The following HSPA4 variants were observed in gnomAD, a reference collection of about 807,000 sequenced individuals.
HSPA4 encodes the protein heat shock protein family A (Hsp70) member 4, also known as heat shock 70 kDa protein 4.
A neutral mutation model predicts 106.2 loss-of-function variants in HSPA4; 25 were observed. The ratio of observed to expected loss-of-function variants is 0.24; its 90% CI spans 0.17 to 0.33. The LOEUF (loss-of-function observed/expected upper bound fraction) is 0.33, where lower values mean the gene tolerates loss of function less well. Ranked by LOEUF, HSPA4 falls within the 10% of genes least tolerant of loss-of-function variation. The pLI is 1.00. For synonymous variants in HSPA4, 332 were observed against 333.6 expected, an observed-to-expected ratio of 1.00 and a Z score of 0.05; for missense variants, 841 against 996.0, an observed-to-expected ratio of 0.84 and a Z score of 2.10.
intron 18 of HSPA4, 95 bp from the exon 19 acceptor site, chr5:133,104,138 G>A: frequency 7.0e-7 from 1 of 1,429,852 alleles, no homozygotes; most frequent in Middle Eastern, 1.9e-4. Context: ...CTAGGTTGAG[G>A]ATTGGGTGGT....
intron 1 of HSPA4, among the ~76,000 whole-genome samples, chr5:133,055,788 G>A (rs754101835): frequency 3.2e-4 from 48 of 152,080 alleles, no homozygotes; most frequent in Non-Finnish European, 5.9e-4. Flanking sequence ...ATTTAAATTG[G>A]ATGGAAGGAC....
Position 133,101,849 on chromosome 5 carries a change from A to G in HSPA4, c.2128A>G (p.Met710Val), listed in dbSNP as rs774739205. 3.8e-6 allele frequency: 6 copies of G among 1,592,176 alleles called. No individual in the cohort carries two copies. Among genetic ancestry groups the G allele is most frequent in the Non-Finnish European group, 5.1e-6 (6 of 1,165,588 alleles). ...EELGKQIQQY[M>V]KIISSFKNKE... ...ACTAGGGAAACAGATCCAACAGTAT[A>G]TGAAAATAATCAGCTCTTTCAAAAA... The change falls in exon 17 of 19, where the codon ATG becomes GTG. Residue 710 changes from methionine to valine, a missense_variant. Physicochemically the swap from Met to Val is conservative, Grantham distance 21. Around this residue, in one of 5 missense-constraint regions of HSPA4, gnomAD observed 328 missense variants for 372.2 expected, o/e 0.88. Transcript: ENST00000304858.
rs572637190 is a variant in HSPA4, at chr5:133,094,970, A to G, written c.1651-1128A>G. Among the ~76,000 whole-genome samples the G allele has an allele frequency of 5.3e-5, 8 of 152,342 alleles. No homozygotes were observed. The East Asian group carries it at 1.3e-3, about 26-fold the overall frequency. On this transcript the variant is annotated intron_variant, in intron 13 of 18. Transcript: ENST00000304858. ...AACATAAGTAATCTCAAAGGAAAAGATGGATAGATTTGACAGTCAAAACTT... is the reference window on the plus strand; with the variant it reads ...AACATAAGTAATCTCAAAGGAAAAGGTGGATAGATTTGACAGTCAAAACTT...
chr5:133,055,307 A>ATTTTTTTTTTT (rs397999293), intron 1 of HSPA4, among the ~76,000 whole-genome samples: 1 of 60,104 alleles, frequency 1.7e-5, no homozygotes, highest in African/African-American at 6.2e-5. Context: ...AGGAAGGTTG[A>ATTTTTTTTTTT]TTTTTTTTTT....
At chr5:133,062,532 T>G (rs905622252) in intron 1 of HSPA4, among the ~76,000 whole-genome samples, 5 of 152,184 alleles carry the variant, frequency 3.3e-5, no homozygotes, top group South Asian at 2.1e-4. Context: ...TAATATGGGC[T>G]TTGAGAGGAG....
At chr5:133,056,612 C>G (rs1765169045) in intron 1 of HSPA4, among the ~76,000 whole-genome samples, 1 of 152,226 alleles carries the variant, frequency 6.6e-6, no homozygotes, top group Admixed American at 6.5e-5. Flanking sequence ...TTTCTTCAAA[C>G]AGGTTATTTC....
chr5:133,095,621 C>G (rs140874367), intron 13 of HSPA4, among the ~76,000 whole-genome samples: 27 of 152,238 alleles, frequency 1.8e-4, no homozygotes, highest in Middle Eastern at 3.4e-3. Context: ...CTCCTCCTCA[C>G]TAACTTCATT....
At chr5:133,091,547 CAGAAT>C (rs1245789856) in intron 12 of HSPA4, among the ~76,000 whole-genome samples, 173 bp downstream of exon 12, 4 of 152,152 alleles carry the variant, frequency 2.6e-5, no homozygotes. Flanking sequence ...GATTTTTATG[CAGAAT>C]TTGTATAGAA....
In HSPA4 at chr5:133,105,688, T is replaced by A. The variant is rs79554694; in HGVS notation, c.*1252T>A. On this transcript the variant is annotated 3_prime_UTR_variant, in exon 19 of 19. Coordinates refer to ENST00000304858, the MANE Select transcript of HSPA4 (RefSeq NM_002154.4). Reference sequence around the variant, plus strand: ...CAGGGCTTGTTGGTAATGTTTTGAATCTTTGTAAAAATTGATATTCTGTAT... The same window carrying A: ...CAGGGCTTGTTGGTAATGTTTTGAAACTTTGTAAAAATTGATATTCTGTAT... The A allele has an allele frequency of 6.6e-6, 1 of 152,314 alleles. No homozygotes were observed. Among genetic ancestry groups the A allele is most frequent in the African/African-American group, 2.4e-5 (1 of 41,556 alleles). The allele number at this position is 152,314 out of a possible 1,614,324, so 9.4% of individuals were successfully genotyped here. A position where few individuals can be genotyped will look rare whatever the true frequency, so the allele number is the denominator to read the frequency against.
At position 133,086,849 on chromosome 5, in the gene HSPA4, G is replaced by T; in HGVS notation, c.976G>T (p.Glu326Ter). ...RVEPPLRSVL[E>*]QTKLKKEDIY... The stretch of plus-strand genomic sequence containing the variant: ...GGAGCCACCACTTCGTAGTGTTTTG[G>T]AACAAACCAGTAAGTATTTTTGTGA... Residue 326 changes from glutamate to a stop codon, truncating the protein, a stop_gained, in exon 8 of 19, where the codon GAA becomes TAA. Transcript: ENST00000304858. LOFTEE classifies it high-confidence loss of function. 1 of 1,609,328 alleles carries T rather than the reference G, an allele frequency of 6.2e-7. No individual in the cohort carries two copies. The highest frequency in any genetic ancestry group is 1.1e-5 in the South Asian group (1 of 90,958).
chr5:133,103,960 G>T lies in HSPA4; in HGVS notation c.2253G>T (p.Leu751=), dbSNP rs1200240801. 2.5e-6 allele frequency: 4 copies of T among 1,613,966 alleles called. No homozygotes were observed. The Admixed American group carries it at 5.0e-5, about 20-fold the overall frequency. The change falls in exon 18 of 19, where the codon CTG becomes CTT. Residue 751 remains leucine (L), a synonymous_variant. Coordinates refer to ENST00000304858, the MANE Select transcript of HSPA4 (RefSeq NM_002154.4). Reference sequence around the variant, plus strand: ...AGTGGATGAATAACAAGCTAAATCTGCAGAACAAGCAGAGTTTGACCATGG... The same window carrying T: ...AGTGGATGAATAACAAGCTAAATCTTCAGAACAAGCAGAGTTTGACCATGG... ...AMEWMNNKLN[L]QNKQSLTMDP...
At chr5:133,092,557 A>G (rs1162664430) in intron 12 of HSPA4, 143 bp from the exon 13 acceptor site, 1 of 655,124 alleles carries the variant, frequency 1.5e-6, no homozygotes, top group African/African-American at 1.8e-5. Context: ...GTCCTAGGTA[A>G]TGTGGCCTAC....
intron 1 of HSPA4, chr5:133,052,676 CG>C (rs1765096732): frequency 3.4e-6 from 1 of 294,896 alleles, no homozygotes; most frequent in Non-Finnish European, 6.4e-6. Flanking sequence ...AAACGGATCG[CG>C]GTCCTTTTCT....
intron 7 of HSPA4, among the ~76,000 whole-genome samples, chr5:133,083,698 C>T (rs912828023): frequency 2.6e-5 from 4 of 151,926 alleles, no homozygotes; most frequent in African/African-American, 9.7e-5. Flanking sequence ...CCACCACACC[C>T]AGCTAATTTT....
At position 133,106,115 on chromosome 5, in the gene HSPA4, T is replaced by G. The variant is rs1281874502; in HGVS notation, c.*1679T>G. 35 of 54,932 alleles carry G rather than the reference T, an allele frequency of 6.4e-4. No individual in the cohort carries two copies. The highest frequency in any genetic ancestry group is 3.2e-3 in the African/African-American group (31 of 9,598). The allele number at this position is 54,932 out of a possible 1,614,324, so 3.4% of individuals were successfully genotyped here. ...AAAAAAAAAAAAATTTTTTTTTTTT[T>G]TTTTTTTTTTTTTTTTTTTTTTTTT... On this transcript the variant is annotated 3_prime_UTR_variant, in exon 19 of 19. Transcript: ENST00000304858.
intron 7 of HSPA4, among the ~76,000 whole-genome samples, chr5:133,081,772 G>A (rs2126706938): frequency 6.6e-6 from 1 of 152,158 alleles, no homozygotes; most frequent in South Asian, 2.1e-4. Context: ...TAGTTTTGTT[G>A]CAGGATTGTT....
intron 3 of HSPA4, among the ~76,000 whole-genome samples, chr5:133,069,921 T>G (rs1765359655): frequency 6.6e-6 from 1 of 152,162 alleles, no homozygotes; most frequent in African/African-American, 2.4e-5. Flanking sequence ...TCCCAGCACT[T>G]TGGGAGGCCG....
intron 1 of HSPA4, among the ~76,000 whole-genome samples, chr5:133,055,579 A>G (rs1765150533): frequency 6.6e-6 from 1 of 152,090 alleles, no homozygotes; most frequent in Non-Finnish European, 1.5e-5. Context: ...ATTTTATCAG[A>G]TGTTGAGTGC....
chr5:133,066,809 G>T (rs555935640), intron 2 of HSPA4, among the ~76,000 whole-genome samples: 49 of 149,902 alleles, frequency 3.3e-4, no homozygotes, highest in Middle Eastern at 3.4e-3. Flanking sequence ...CCACCTCCCA[G>T]GTTCAAATGA....
Sources: allele counts gnomAD v4.1 joint callset (sites outside exome capture counted in the v4.1 genomes callset), GRCh38; gene constraint gnomAD v4.1.1; regional missense constraint gnomAD v4.1.1; transcripts MANE v1.5; gene names NCBI Gene and HGNC (gene_info 2026-07-23, HGNC 2026-07-21).